Variants in PDE11A observed in about 807,000 individuals in gnomAD.
The protein encoded by PDE11A is dual 3',5'-cyclic-AMP and -GMP phosphodiesterase 11A.
Under a neutral mutation model 100.5 loss-of-function variants are expected in PDE11A, and 100 were observed. The ratio of observed to expected loss-of-function variants is 1.00; its 90% CI spans 0.85 to 1.18. The LOEUF (loss-of-function observed/expected upper bound fraction) is 1.18. Ranked by LOEUF, PDE11A falls within the 50% of genes most tolerant of loss-of-function variation. The probability of loss-of-function intolerance (pLI) is 0.00; values close to 1 mark genes in which losing one functional copy is unlikely to be tolerated. For missense variants in PDE11A, 1,141 were observed against 1,152.6 expected (o/e 0.99, Z 0.15); for synonymous variants, 381 against 420.8 (o/e 0.91, Z 1.16).
intron 9 of PDE11A, among the ~76,000 whole-genome samples, chr2:177,787,459 A>G (rs998230625): frequency 6.6e-6 from 1 of 152,062 alleles, no homozygotes; most frequent in Non-Finnish European, 1.5e-5. Context: ...GACCATCGAG[A>G]CTAGGAAGAA....
At chr2:177,998,603 A>G in intron 2 of PDE11A, 2 of 1,300,126 alleles carry the variant, frequency 1.5e-6, no homozygotes, top group Admixed American at 3.4e-5. Flanking sequence ...CCAATTCTGT[A>G]AAATGCTTAA....
At chr2:177,683,934 T>C (rs2080904458) in intron 15 of PDE11A, among the ~76,000 whole-genome samples, 1 of 152,134 alleles carries the variant, frequency 6.6e-6, no homozygotes, top group African/African-American at 2.4e-5. Context: ...TAGTGAGAAA[T>C]TGAGATAAGG....
intron 1 of PDE11A, among the ~76,000 whole-genome samples, chr2:178,034,162 CA>C (rs2086581314): frequency 6.6e-6 from 1 of 151,690 alleles, no homozygotes; most frequent in African/African-American, 2.4e-5. Flanking sequence ...ATCTCACGTG[CA>C]AAGACACATA....
intron 2 of PDE11A, among the ~76,000 whole-genome samples, chr2:178,081,680 T>TTTTG (rs1048200039): frequency 3.3e-5 from 5 of 152,342 alleles, no homozygotes; most frequent in South Asian, 2.1e-4. Flanking sequence ...TTAAGCACTT[T>TTTTG]TTTGTTTGTT....
chr2:177,832,341 T>C (rs112250027), intron 6 of PDE11A, among the ~76,000 whole-genome samples: 122 of 152,228 alleles, frequency 8.0e-4, no homozygotes, highest in Non-Finnish European at 1.5e-3. Flanking sequence ...CCAGCACAGA[T>C]AGAATATAAA....
chr2:178,006,360 C>T (rs576481446), intron 2 of PDE11A, among the ~76,000 whole-genome samples: 1 of 152,222 alleles, frequency 6.6e-6, no homozygotes, highest in South Asian at 2.1e-4. Context: ...GAATTCCATG[C>T]AATTAGATAA....
chr2:177,931,924 A>G (rs967651562), intron 2 of PDE11A, among the ~76,000 whole-genome samples: 4 of 151,362 alleles, frequency 2.6e-5, no homozygotes, highest in Admixed American at 6.6e-5. Flanking sequence ...AAAAAAAAAA[A>G]AAAAAAGAAA....
intron 12 of PDE11A, among the ~76,000 whole-genome samples, chr2:177,715,698 A>T (rs1470224534): frequency 2.0e-5 from 3 of 152,040 alleles, no homozygotes; most frequent in Admixed American, 2.0e-4. Context: ...TTCTTCTCCC[A>T]TGGATGCATG....
intron 19 of PDE11A, among the ~76,000 whole-genome samples, chr2:177,635,248 T>C (rs2080021856): frequency 6.6e-6 from 1 of 152,238 alleles, no homozygotes; most frequent in South Asian, 2.1e-4. Flanking sequence ...CAGAATTTTC[T>C]TTAGTAGTGT....
chr2:177,838,894 G>A (rs1479923664), intron 6 of PDE11A, among the ~76,000 whole-genome samples: 3 of 152,196 alleles, frequency 2.0e-5, no homozygotes, highest in Non-Finnish European at 4.4e-5. Flanking sequence ...CAAATTTAGT[G>A]TATAAAAACT....
chr2:177,907,585 A>G (rs1032053912), intron 2 of PDE11A, among the ~76,000 whole-genome samples: 4 of 152,202 alleles, frequency 2.6e-5, no homozygotes, highest in Non-Finnish European at 5.9e-5. Context: ...CTTGGGAGAT[A>G]ATTCTCTATG....
intron 19 of PDE11A, among the ~76,000 whole-genome samples, chr2:177,650,033 C>T (rs34142188): frequency 0.064 from 9,677 of 152,150 alleles, 509 homozygotes; most frequent in Non-Finnish European, 0.087. Context: ...TGCTTTACCA[C>T]CATAATTCAA....
intron 9 of PDE11A, among the ~76,000 whole-genome samples, chr2:177,785,194 T>G (rs1183929501): frequency 1.3e-5 from 2 of 152,130 alleles, no homozygotes; most frequent in Admixed American, 1.3e-4. Flanking sequence ...GAGAAATATA[T>G]GCACTTTTCA....
Position 177,737,420 on chromosome 2 carries a change from T to TACACACACACACACACACACACACACAC in PDE11A, c.1789-9249_1789-9248insGTGTGTGTGTGTGTGTGTGTGTGTGTGT, listed in dbSNP as rs567621311. Among the ~76,000 whole-genome samples the TACACACACACACACACACACACACACAC allele has an allele frequency of 4.5e-5, 5 of 110,434 alleles. 2 individuals are homozygous for TACACACACACACACACACACACACACAC. Among genetic ancestry groups the TACACACACACACACACACACACACACAC allele is most frequent in the African/African-American group, 8.4e-5 (3 of 35,844 alleles). 72.4% of individuals were successfully genotyped at this position (110,434 alleles called of 152,430 possible). A position where few individuals can be genotyped will look rare whatever the true frequency, so the allele number is the denominator to read the frequency against. On this transcript the variant is annotated intron_variant, in intron 10 of 19. Transcript: ENST00000286063. ...AGTGAAACCCCGTCTCTACTAAAAA[T>TACACACACACACACACACACACACACAC]ACACACACACATACACACACACACA...
At chr2:177,921,087 A>G (rs2085036758) in intron 2 of PDE11A, among the ~76,000 whole-genome samples, 1 of 148,654 alleles carries the variant, frequency 6.7e-6, no homozygotes, top group African/African-American at 2.5e-5. Context: ...TTGTTTCAAA[A>G]ATAACTTTTT....
chr2:177,860,556 A>T (rs570212388), intron 5 of PDE11A, among the ~76,000 whole-genome samples: 10 of 151,836 alleles, frequency 6.6e-5, no homozygotes, highest in Non-Finnish European at 7.4e-5. Context: ...TCAGTCCTTA[A>T]CAAACTCTTA....
chr2:177,876,580 C>T (rs935170822), intron 4 of PDE11A, among the ~76,000 whole-genome samples: 1 of 148,406 alleles, frequency 6.7e-6, no homozygotes, highest in African/African-American at 2.6e-5. Context: ...ATTGAGTTTA[C>T]ACTGTAAACC....
chr2:177,697,553 G>C (rs2105534028), intron 14 of PDE11A, 121 bp from the exon 15 acceptor site: 3 of 654,144 alleles, frequency 4.6e-6, no homozygotes, highest in South Asian at 3.2e-5. Context: ...AAAAAGCATA[G>C]TGAAATTTTG....
At chr2:177,737,618 A>G (rs1271407684) in intron 10 of PDE11A, among the ~76,000 whole-genome samples, 2 of 148,764 alleles carry the variant, frequency 1.3e-5, no homozygotes, top group Non-Finnish European at 3.0e-5. Flanking sequence ...AGAGAGGGGC[A>G]GGGTTCTGGA....
Sources: allele counts gnomAD v4.1 joint callset (sites outside exome capture counted in the v4.1 genomes callset), GRCh38; gene constraint gnomAD v4.1.1; transcripts MANE v1.5; gene names NCBI Gene and HGNC (gene_info 2026-07-23, HGNC 2026-07-21).